Variants in CCDC191 observed in about 807,000 individuals in gnomAD.
CCDC191 encodes coiled-coil domain-containing protein 191.
In CCDC191, 99 loss-of-function variants were observed where a neutral mutation model predicts 114.0. The ratio of observed to expected loss-of-function variants is 0.87; its 90% CI spans 0.74 to 1.03. The LOEUF (loss-of-function observed/expected upper bound fraction) is 1.03, where lower values mean the gene tolerates loss of function less well. Among genes scored for constraint, CCDC191 ranks in the 50% least tolerant of loss-of-function variants. CCDC191 has a pLI of 0.00. For synonymous variants in CCDC191, 351 were observed against 376.0 expected (o/e 0.93, Z 0.77); for missense variants, 973 against 1,087.0 (o/e 0.90, Z 1.47).
intron 7 of CCDC191, among the ~76,000 whole-genome samples, chr3:114,029,116 T>G (rs570898732): frequency 3.9e-5 from 6 of 152,118 alleles, no homozygotes; most frequent in Non-Finnish European, 7.4e-5. Flanking sequence ...AAGTTCCATG[T>G]AGAAGTGGTT....
At chr3:114,033,018 A>G (rs988338436) in intron 6 of CCDC191, among the ~76,000 whole-genome samples, 3 of 152,228 alleles carry the variant, frequency 2.0e-5, no homozygotes, top group African/African-American at 7.2e-5. Context: ...ATTAGAATAT[A>G]TATCTATTTT....
intron 8 of CCDC191, among the ~76,000 whole-genome samples, chr3:114,012,668 T>C (rs1000450745): frequency 6.6e-6 from 1 of 152,228 alleles, no homozygotes; most frequent in South Asian, 2.1e-4. Context: ...GGATAGAAGA[T>C]GTACATTGCT....
chr3:113,996,325 T>A (rs2075721031), intron 13 of CCDC191, among the ~76,000 whole-genome samples: 1 of 152,198 alleles, frequency 6.6e-6, no homozygotes, highest in Non-Finnish European at 1.5e-5. Flanking sequence ...GTTTTCTGCA[T>A]AGGCTAGCCA....
intron 2 of CCDC191, among the ~76,000 whole-genome samples, chr3:114,052,931 T>C (rs934652591): frequency 1.3e-5 from 2 of 152,188 alleles, no homozygotes; most frequent in Admixed American, 1.3e-4. Flanking sequence ...ATATGGCAAG[T>C]TGCTAAACTG....
chr3:114,027,601 CAAAAAAAAA>C (rs67548547), intron 7 of CCDC191, among the ~76,000 whole-genome samples: 65 of 60,126 alleles, frequency 1.1e-3, no homozygotes, highest in African/African-American at 3.7e-3. Context: ...GACTCTGTCT[CAAAAAAAAA>C]AAAAAAAAAA....
At chr3:113,996,912 C>T (rs1315476197) in intron 13 of CCDC191, among the ~76,000 whole-genome samples, 1 of 152,104 alleles carries the variant, frequency 6.6e-6, no homozygotes, top group African/African-American at 2.4e-5. Context: ...AGGACAAATA[C>T]CTAATGCATG....
In CCDC191 at chr3:114,047,122, G is replaced by A. The variant is rs77717465; in HGVS notation, c.130-390C>T. On this transcript the variant is annotated intron_variant, in intron 2 of 16. Transcript: ENST00000295878. ...GACTTGCATATGAATATGAACCAGA[G>A]GTAGAGTAACCACACTTCAGCAAAT... 455 of 983,428 alleles carry A rather than the reference G, an allele frequency of 4.6e-4. 8 individuals carry two copies. The East Asian group carries it at 0.027, about 59-fold the overall frequency. 60.9% of individuals were successfully genotyped at this position (983,428 alleles called of 1,614,324 possible). A position where few individuals can be genotyped will look rare whatever the true frequency, so the allele number is the denominator to read the frequency against.
At chr3:113,994,491 A>C (rs1038580569) in intron 13 of CCDC191, among the ~76,000 whole-genome samples, 5 of 152,180 alleles carry the variant, frequency 3.3e-5, no homozygotes, top group Middle Eastern at 6.8e-3. Context: ...GCAATTACCT[A>C]TAAACTTAAA....
At chr3:114,056,268 G>C in intron 1 of CCDC191, 109 bp downstream of exon 1, 1 of 1,030,900 alleles carries the variant, frequency 9.7e-7, no homozygotes, top group Non-Finnish European at 1.5e-6. Flanking sequence ...GCAGGGGCGT[G>C]TCAGCTCAGG....
intron 8 of CCDC191, among the ~76,000 whole-genome samples, chr3:114,012,672 C>T (rs2076090889): frequency 1.3e-5 from 2 of 152,298 alleles, no homozygotes; most frequent in South Asian, 4.1e-4. Flanking sequence ...AGAAGATGTA[C>T]ATTGCTGTGT....
intron 2 of CCDC191, among the ~76,000 whole-genome samples, chr3:114,049,807 TA>T (rs1198266687): frequency 2.0e-5 from 3 of 152,238 alleles, no homozygotes; most frequent in African/African-American, 4.8e-5. Context: ...ACATCCTTAA[TA>T]TTTTTTTTCA....
chr3:113,981,186 C>T (rs1200651887), intron 13 of CCDC191, among the ~76,000 whole-genome samples: 1 of 152,130 alleles, frequency 6.6e-6, no homozygotes, highest in East Asian at 1.9e-4. Flanking sequence ...TTTAATGATA[C>T]TCCATTAAAA....
chr3:114,050,970 C>T (rs1046040104), intron 2 of CCDC191, among the ~76,000 whole-genome samples: 1 of 152,120 alleles, frequency 6.6e-6, no homozygotes, highest in Non-Finnish European at 1.5e-5. Context: ...CAGTTTTACC[C>T]AACCATCTAC....
At chr3:114,026,133 A>T (rs186506569) in intron 7 of CCDC191, among the ~76,000 whole-genome samples, 37 of 152,366 alleles carry the variant, frequency 2.4e-4, no homozygotes, top group Non-Finnish European at 4.1e-4. Context: ...TACATTTAAA[A>T]ATAGGGACCT....
chr3:114,038,976 A>G (rs1316001574), intron 4 of CCDC191, among the ~76,000 whole-genome samples: 2 of 152,160 alleles, frequency 1.3e-5, no homozygotes, highest in African/African-American at 2.4e-5. Context: ...ACCATGGCAC[A>G]TGTCTACCTA....
In CCDC191 at chr3:114,006,617, T is replaced by TATATATATATATATATATAAATAA. The variant is rs1482068610; in HGVS notation, c.1414-656_1414-655insTTATTTATATATATATATATATAT. 4.2e-5 allele frequency among the ~76,000 whole-genome samples: 5 copies of TATATATATATATATATATAAATAA among 118,420 alleles called. No individual in the cohort carries two copies. The East Asian group carries it at 9.8e-4, about 23-fold the overall frequency. 77.7% of individuals were successfully genotyped at this position (118,420 alleles called of 152,430 possible). ...ATATATATATATATATATATATATA[T>TATATATATATATATATATAAATAA]AAATATATATATTTTATATATAAAA... is the stretch of plus-strand genomic sequence containing the variant. On this transcript the variant is annotated intron_variant, in intron 9 of 16. Transcript: ENST00000295878.
At chr3:113,976,952 C>T (rs2107597461) in intron 16 of CCDC191, among the ~76,000 whole-genome samples, 1 of 152,152 alleles carries the variant, frequency 6.6e-6, no homozygotes, top group South Asian at 2.1e-4. Flanking sequence ...ATCTGTTTTC[C>T]CACTCCACTG....
chr3:113,979,071 C>A (rs2075044086), intron 14 of CCDC191, 61 bp from the exon 15 acceptor site: 1 of 1,483,002 alleles, frequency 6.7e-7, no homozygotes, highest in Non-Finnish European at 9.3e-7. Context: ...TAAACAAACA[C>A]ATCACCTTTG....
chr3:113,968,222 A>C (rs1940412162), intron 16 of CCDC191, among the ~76,000 whole-genome samples: 1 of 152,060 alleles, frequency 6.6e-6, no homozygotes, highest in African/African-American at 2.4e-5. Flanking sequence ...TGTTCTCTAT[A>C]ATGGCTGTAC....
Sources: gnomAD v4.1 joint callset for allele counts (sites outside exome capture counted in the v4.1 genomes callset) on GRCh38, gnomAD v4.1.1 for gene constraint, MANE v1.5 for transcripts, NCBI Gene and HGNC (gene_info 2026-07-23, HGNC 2026-07-21) for gene names.